The following TYW1B variants were observed in gnomAD, a reference collection of about 807,000 sequenced individuals.
TYW1B encodes tRNA-yW synthesizing protein 1 homolog B.
In TYW1B, 73 loss-of-function variants were observed where a neutral mutation model predicts 86.9. The observed-to-expected ratio is 0.84, with a 90% CI of 0.70 to 1.02. The LOEUF (loss-of-function observed/expected upper bound fraction) is 1.02, where lower values mean the gene tolerates loss of function less well. TYW1B is among the 50% of genes least tolerant of loss of function. The probability of loss-of-function intolerance (pLI) is 0.00; values close to 1 mark genes in which losing one functional copy is unlikely to be tolerated. For synonymous variants in TYW1B, 248 were observed against 292.8 expected, an observed-to-expected ratio of 0.85 and a Z score of 1.56; for missense variants, 637 against 827.4, an observed-to-expected ratio of 0.77 and a Z score of 2.82.
In TYW1B at chr7:72,667,031, C is replaced by CAAAAAAAAAAA. The variant is rs60691255; in HGVS notation, c.1506+27645_1506+27655dup. ...TGGGAGAGAGAGCGAGACTCCGTCT[C>CAAAAAAAAAAA]AAAAAAAAAAAAAAAAAAAAGAAAC... On this transcript the variant is annotated intron_variant, in intron 11 of 13. Transcript: ENST00000620995. 2.6e-3 allele frequency among the ~76,000 whole-genome samples: 108 copies of CAAAAAAAAAAA among 42,322 alleles called. 12 individuals are homozygous for CAAAAAAAAAAA. The highest frequency in any genetic ancestry group is 3.2e-3 in the Non-Finnish European group (85 of 26,418). 27.8% of individuals were successfully genotyped at this position (42,322 alleles called of 152,430 possible). A position where few individuals can be genotyped will look rare whatever the true frequency, so the allele number is the denominator to read the frequency against.
chr7:72,805,046 T>C (rs1456425975), intron 5 of TYW1B, among the ~76,000 whole-genome samples: 1 of 151,970 alleles, frequency 6.6e-6, no homozygotes, highest in East Asian at 1.9e-4. Flanking sequence ...ACTTCAAAAG[T>C]TATCTTGAAC....
intron 6 of TYW1B, among the ~76,000 whole-genome samples, chr7:72,781,695 G>A (rs2129572105): frequency 6.6e-6 from 1 of 152,224 alleles, no homozygotes; most frequent in East Asian, 1.9e-4. Context: ...TCTCCTAAGG[G>A]ACGACGGCAA....
intron 11 of TYW1B, among the ~76,000 whole-genome samples, chr7:72,669,213 C>T (rs1247373057): frequency 3.1e-5 from 4 of 129,390 alleles, no homozygotes; most frequent in Admixed American, 9.8e-5. Context: ...GGCGCTATCT[C>T]GGCTCATTCC....
Position 72,575,330 on chromosome 7 carries a change from C to G in TYW1B, c.*168G>C. On this transcript the variant is annotated 3_prime_UTR_variant, in exon 14 of 14. Coordinates refer to ENST00000620995, the MANE Select transcript of TYW1B (RefSeq NM_001145440.3). Reference sequence around the variant, plus strand: ...AAACATCGGGGCTGTGGCCCAGGCCCTCTGAGTGTGGACGCTGTCCCCCGT... The same window carrying G: ...AAACATCGGGGCTGTGGCCCAGGCCGTCTGAGTGTGGACGCTGTCCCCCGT... 7.0e-7 allele frequency: 1 copy of G among 1,437,756 alleles called. No individual in the cohort carries two copies. The highest frequency in any genetic ancestry group is 1.6e-5 in the South Asian group (1 of 64,286). 89.1% of individuals were successfully genotyped at this position (1,437,756 alleles called of 1,614,324 possible).
chr7:72,586,987 T>A (rs1811292731), intron 13 of TYW1B, among the ~76,000 whole-genome samples: 1 of 152,058 alleles, frequency 6.6e-6, no homozygotes, highest in Non-Finnish European at 1.5e-5. Context: ...GCAAAACGAA[T>A]CATTCATATT....
At chr7:72,817,372 C>T (rs71554648) in intron 2 of TYW1B, among the ~76,000 whole-genome samples, 13,779 of 151,954 alleles carry the variant, frequency 0.091, 1,066 homozygotes, top group East Asian at 0.33. Flanking sequence ...CGTACCACTG[C>T]ACTCCAGCCT....
chr7:72,634,927 T>A (rs1335846948), intron 11 of TYW1B, among the ~76,000 whole-genome samples: 1 of 152,238 alleles, frequency 6.6e-6, no homozygotes, highest in Non-Finnish European at 1.5e-5. Flanking sequence ...TCATCCACTT[T>A]ATGGCTTCCT....
chr7:72,610,629 G>C (rs567386634), intron 13 of TYW1B, among the ~76,000 whole-genome samples: 1 of 151,386 alleles, frequency 6.6e-6, no homozygotes, highest in South Asian at 2.1e-4. Flanking sequence ...TAACAGGTTT[G>C]TTGTTGTTGT....
chr7:72,807,405 G>T (rs1554477037), intron 4 of TYW1B, 49 bp from the exon 5 acceptor site: 1 of 1,577,764 alleles, frequency 6.3e-7, no homozygotes, highest in Admixed American at 1.7e-5. Context: ...CTAAATCAGG[G>T]TTTTCCAGAC....
intron 9 of TYW1B, among the ~76,000 whole-genome samples, chr7:72,714,778 G>A (rs111516931): frequency 0.011 from 1,751 of 152,304 alleles, 39 homozygotes; most frequent in African/African-American, 0.039. Flanking sequence ...TTAGCTGGGC[G>A]TAGTGGCGGA....
At chr7:72,827,922 C>G (rs1788969121) in intron 1 of TYW1B, 150 bp downstream of exon 1, 2 of 1,466,504 alleles carry the variant, frequency 1.4e-6, no homozygotes, top group Admixed American at 4.1e-5. Context: ...GATCGGTCCT[C>G]CTTGCTCTCA....
chr7:72,691,832 CAA>C (rs1350726966), intron 11 of TYW1B, among the ~76,000 whole-genome samples: 2 of 152,176 alleles, frequency 1.3e-5, no homozygotes, highest in Admixed American at 6.5e-5. Flanking sequence ...AAGAAACCCA[CAA>C]AGACTTAATC....
intron 11 of TYW1B, among the ~76,000 whole-genome samples, chr7:72,670,110 G>T (rs1192813336): frequency 1.3e-5 from 2 of 152,148 alleles, no homozygotes; most frequent in African/African-American, 4.8e-5. Flanking sequence ...CAGCCTGGGT[G>T]ACAGAATGAA....
intron 7 of TYW1B, among the ~76,000 whole-genome samples, chr7:72,763,680 T>C (rs1028157581): frequency 6.6e-6 from 1 of 152,240 alleles, no homozygotes; most frequent in African/African-American, 2.4e-5. Flanking sequence ...ATGAGTGACC[T>C]ATGATTCTGT....
At chr7:72,719,410 C>T (rs1786850714) in intron 9 of TYW1B, among the ~76,000 whole-genome samples, 1 of 151,786 alleles carries the variant, frequency 6.6e-6, no homozygotes, top group South Asian at 2.1e-4. Context: ...GCGGGTGGAT[C>T]ATGAGGTTAG....
intron 10 of TYW1B, among the ~76,000 whole-genome samples, chr7:72,703,583 G>A (rs1814542555): frequency 1.3e-5 from 2 of 151,868 alleles, no homozygotes; most frequent in South Asian, 4.2e-4. Flanking sequence ...GACCAGACGC[G>A]GTGGCTCATG....
intron 2 of TYW1B, among the ~76,000 whole-genome samples, chr7:72,823,412 G>A (rs1383378543): frequency 6.6e-6 from 1 of 151,996 alleles, no homozygotes; most frequent in Admixed American, 6.5e-5. Context: ...ACGAGGTCAG[G>A]AGTTCGAGAC....
intron 12 of TYW1B, among the ~76,000 whole-genome samples, chr7:72,626,262 A>G (rs1264221202): frequency 1.3e-4 from 19 of 150,360 alleles, no homozygotes; most frequent in South Asian, 2.2e-4. Flanking sequence ...AAACTCACCA[A>G]AAGACAGCTG....
chr7:72,592,160 T>TTAAAAA (rs1563021678), intron 13 of TYW1B, among the ~76,000 whole-genome samples: 6 of 103,392 alleles, frequency 5.8e-5, no homozygotes, highest in African/African-American at 1.2e-4. Flanking sequence ...ACTAATGTGT[T>TTAAAAA]AAAAAAAAAA....
Sources: allele counts gnomAD v4.1 joint callset (sites outside exome capture counted in the v4.1 genomes callset), GRCh38; gene constraint gnomAD v4.1.1; transcripts MANE v1.5; gene names NCBI Gene and HGNC (gene_info 2026-07-23, HGNC 2026-07-21).